The following TRIM44 variants were observed in gnomAD, a reference collection of about 807,000 sequenced individuals.
The protein encoded by TRIM44 is tripartite motif-containing protein 44.
Under a neutral mutation model 37.4 loss-of-function variants are expected in TRIM44, and 13 were observed. The observed-to-expected ratio is 0.35, with a 90% confidence interval of 0.23 to 0.55. The LOEUF (loss-of-function observed/expected upper bound fraction) is 0.55. Ranked by LOEUF, TRIM44 falls within the 20% of genes least tolerant of loss-of-function variation. The probability of loss-of-function intolerance (pLI) is 0.89; values close to 1 mark genes in which losing one functional copy is unlikely to be tolerated. For synonymous variants in TRIM44, 175 were observed against 157.2 expected (o/e 1.11, Z -0.85); for missense variants, 426 against 437.2 (o/e 0.97, Z 0.23).
chr11:35,780,048 C>T (rs539935759), intron 4 of TRIM44, among the ~76,000 whole-genome samples: 1 of 152,110 alleles, frequency 6.6e-6, no homozygotes, highest in African/African-American at 2.4e-5. Flanking sequence ...ATGATGCCTC[C>T]AGCTTTGTTC....
chr11:35,695,286 A>C (rs1851683377), intron 2 of TRIM44, among the ~76,000 whole-genome samples: 2 of 152,146 alleles, frequency 1.3e-5, no homozygotes, highest in African/African-American at 4.8e-5. Flanking sequence ...TGTCCTCTTG[A>C]ATACCAGTAG....
At chr11:35,746,874 C>T (rs576274162) in intron 4 of TRIM44, among the ~76,000 whole-genome samples, 1 of 152,274 alleles carries the variant, frequency 6.6e-6, no homozygotes, top group Non-Finnish European at 1.5e-5. Flanking sequence ...CTCATTCCTT[C>T]TTAGCACCAC....
At chr11:35,796,317 CAG>C (rs1165646918) in intron 4 of TRIM44, among the ~76,000 whole-genome samples, 5 of 152,216 alleles carry the variant, frequency 3.3e-5, no homozygotes, top group South Asian at 2.1e-4. Context: ...TCTATTCAGA[CAG>C]AGATTAGAGA....
intron 4 of TRIM44, among the ~76,000 whole-genome samples, chr11:35,802,522 G>GGAA (rs1274606388): frequency 6.6e-6 from 1 of 152,136 alleles, no homozygotes; most frequent in Non-Finnish European, 1.5e-5. Flanking sequence ...CAGTATATAT[G>GGAA]GAAGTTAAGG....
chr11:35,700,299 C>T (rs1434875719), intron 2 of TRIM44, among the ~76,000 whole-genome samples: 1 of 152,168 alleles, frequency 6.6e-6, no homozygotes, highest in Non-Finnish European at 1.5e-5. Flanking sequence ...TGTTCACACA[C>T]AGAATTTTTT....
chr11:35,667,243 C>T (rs1851342590), intron 1 of TRIM44, among the ~76,000 whole-genome samples: 1 of 152,080 alleles, frequency 6.6e-6, no homozygotes, highest in Admixed American at 6.6e-5. Context: ...TTTTCTCTTT[C>T]ACTTTTATGA....
chr11:35,772,586 T>C (rs953322312), intron 4 of TRIM44, among the ~76,000 whole-genome samples: 3 of 152,230 alleles, frequency 2.0e-5, no homozygotes, highest in Admixed American at 2.0e-4. Flanking sequence ...TTTGGAGCTT[T>C]AAGATTTGAC....
At chr11:35,753,740 T>C (rs1852587678) in intron 4 of TRIM44, among the ~76,000 whole-genome samples, 2 of 152,074 alleles carry the variant, frequency 1.3e-5, no homozygotes, top group African/African-American at 2.4e-5. Flanking sequence ...TTTTTTTTTT[T>C]CTTCAGACAG....
intron 4 of TRIM44, among the ~76,000 whole-genome samples, chr11:35,805,710 A>G (rs1264852558): frequency 6.6e-6 from 1 of 152,238 alleles, no homozygotes; most frequent in East Asian, 1.9e-4. Flanking sequence ...AAGTGTTGCT[A>G]TTCTTATATG....
rs143775373 is a variant in TRIM44, at chr11:35,764,494, G to C, written c.1007+29049G>C. Among the ~76,000 whole-genome samples the C allele has an allele frequency of 1.8e-3, 281 of 152,244 alleles. 2 individuals carry two copies. Among genetic ancestry groups the C allele is most frequent in the African/African-American group, 6.5e-3 (270 of 41,558 alleles). ...AAGTCAGCACTGTACTTTATTAGTTGGGTCTCCATTAGCAAAAGTAGTACC... is the reference window on the plus strand; with the variant it reads ...AAGTCAGCACTGTACTTTATTAGTTCGGTCTCCATTAGCAAAAGTAGTACC... On this transcript the variant is annotated intron_variant, in intron 4 of 4. Transcript: ENST00000299413.
chr11:35,669,742 G>T (rs890542218), intron 1 of TRIM44, among the ~76,000 whole-genome samples: 1 of 152,116 alleles, frequency 6.6e-6, no homozygotes, highest in African/African-American at 2.4e-5. Flanking sequence ...GCCTCCCAAA[G>T]TGCTGGGATT....
intron 4 of TRIM44, among the ~76,000 whole-genome samples, chr11:35,789,966 A>G (rs1305343276): frequency 6.6e-6 from 1 of 152,230 alleles, no homozygotes; most frequent in Non-Finnish European, 1.5e-5. Context: ...ATATAGATGA[A>G]ACAGGTTTGA....
In TRIM44 at chr11:35,808,723, A is replaced by G. The variant is rs1853488112; in HGVS notation, c.*2338A>G. On this transcript the variant is annotated 3_prime_UTR_variant, in exon 5 of 5. Transcript: ENST00000299413. ...CCTGCTGTCTTCAGTACCTGATAAA[A>G]CTTTAACCAGGGAAGCATTAAACAC... 1 of 152,182 alleles carries G rather than the reference A, an allele frequency of 6.6e-6. No individual in the cohort carries two copies. The highest frequency in any genetic ancestry group is 1.5e-5 in the Non-Finnish European group (1 of 68,028). The allele number at this position is 152,182 out of a possible 1,614,324, so 9.4% of individuals were successfully genotyped here.
intron 3 of TRIM44, among the ~76,000 whole-genome samples, chr11:35,727,294 T>C (rs996098066): frequency 6.6e-6 from 1 of 151,998 alleles, no homozygotes; most frequent in African/African-American, 2.4e-5. Flanking sequence ...AAAAAAAACA[T>C]AGGAGAGTCC....
At chr11:35,778,891 G>T (rs1008376002) in intron 4 of TRIM44, among the ~76,000 whole-genome samples, 1 of 152,174 alleles carries the variant, frequency 6.6e-6, no homozygotes, top group African/African-American at 2.4e-5. Context: ...GCTGCTCAGG[G>T]GTCAGAGACC....
intron 4 of TRIM44, among the ~76,000 whole-genome samples, chr11:35,772,549 T>A (rs1159810517): frequency 6.6e-6 from 1 of 152,192 alleles, no homozygotes; most frequent in East Asian, 1.9e-4. Flanking sequence ...TGACCCAGAT[T>A]TGAGACATGG....
intron 4 of TRIM44, among the ~76,000 whole-genome samples, chr11:35,805,418 C>T (rs929527078): frequency 1.3e-5 from 2 of 152,206 alleles, no homozygotes; most frequent in African/African-American, 4.8e-5. Flanking sequence ...CCTGTACCAA[C>T]AGTGTTCTCT....
Position 35,662,932 on chromosome 11 carries a change from TGCTGCTGCGCCCGGGCAGGG to T in TRIM44, c.-174_-155del, listed in dbSNP as rs1432513124. 9 of 1,102,316 alleles carry T rather than the reference TGCTGCTGCGCCCGGGCAGGG, an allele frequency of 8.2e-6. No homozygotes were observed. In the African/African-American group the frequency reaches 1.2e-4, roughly 14 times the overall value. The allele number at this position is 1,102,316 out of a possible 1,614,324, so 68.3% of individuals were successfully genotyped here. On this transcript the variant is annotated 5_prime_UTR_variant, in exon 1 of 5. Transcript: ENST00000299413. Reference sequence around the variant, plus strand: ...AGGCCGAGCCGGCGGAAAGGGTCTTTGCTGCTGCGCCCGGGCAGGGGCTGCCGCGGCCCCAGGTCCCGCTT... The same window carrying T: ...AGGCCGAGCCGGCGGAAAGGGTCTTTGCTGCCGCGGCCCCAGGTCCCGCTT...
intron 4 of TRIM44, among the ~76,000 whole-genome samples, chr11:35,777,069 A>C (rs1427296082): frequency 6.6e-6 from 1 of 152,122 alleles, no homozygotes; most frequent in Non-Finnish European, 1.5e-5. Flanking sequence ...AAAGTCTCCC[A>C]TTATTATTGT....
Sources: allele counts gnomAD v4.1 joint callset (sites outside exome capture counted in the v4.1 genomes callset), GRCh38; gene constraint gnomAD v4.1.1; transcripts MANE v1.5; gene names NCBI Gene and HGNC (gene_info 2026-07-23, HGNC 2026-07-21).